GRIA1: variants seen among roughly 807,000 people sequenced by gnomAD.
GRIA1 encodes glutamate receptor 1.
In GRIA1, 31 loss-of-function variants were observed where a neutral mutation model predicts 99.2. The ratio of observed to expected loss-of-function variants is 0.31; its 90% CI spans 0.23 to 0.42. GRIA1 has a LOEUF of 0.42. Ranked by LOEUF, GRIA1 falls within the 10% of genes least tolerant of loss-of-function variation. The pLI, the probability that GRIA1 is intolerant of heterozygous loss-of-function variation, is 1.00. For missense variants in GRIA1, 782 were observed against 1,157.5 expected, an observed-to-expected ratio of 0.68 and a Z score of 4.71; for synonymous variants, 438 against 432.4, an observed-to-expected ratio of 1.01 and a Z score of -0.16.
At chr5:153,615,875 G>C (rs1413224744) in intron 2 of GRIA1, among the ~76,000 whole-genome samples, 1 of 152,146 alleles carries the variant, frequency 6.6e-6, no homozygotes, top group Non-Finnish European at 1.5e-5. Flanking sequence ...AGTGCAGCCA[G>C]GATTTGAACT....
chr5:153,522,288 C>G (rs1757219486), intron 2 of GRIA1, among the ~76,000 whole-genome samples: 1 of 152,200 alleles, frequency 6.6e-6, no homozygotes, highest in African/African-American at 2.4e-5. Context: ...TACCTGTAAC[C>G]TGTATCATGG....
intron 11 of GRIA1, among the ~76,000 whole-genome samples, chr5:153,742,648 C>G: frequency 6.6e-6 from 1 of 152,306 alleles, no homozygotes; most frequent in East Asian, 1.9e-4. Context: ...CAGCTAAGGG[C>G]TCTTTCCTGC....
intron 5 of GRIA1, among the ~76,000 whole-genome samples, chr5:153,667,410 T>A (rs1755825744): frequency 6.6e-6 from 1 of 152,206 alleles, no homozygotes; most frequent in Non-Finnish European, 1.5e-5. Flanking sequence ...CTTCGATAGC[T>A]ATGTTCCTAT....
upstream of GRIA1, chr5:153,489,975 A>G (rs1581117235): frequency 5.2e-6 from 2 of 387,196 alleles, no homozygotes; most frequent in East Asian, 1.5e-4. Context: ...TTGTAAAGGT[A>G]GACAGGGACT....
chr5:153,504,102 T>C (rs1755260379), intron 2 of GRIA1, among the ~76,000 whole-genome samples: 2 of 152,084 alleles, frequency 1.3e-5, no homozygotes, highest in South Asian at 4.1e-4. Flanking sequence ...CATTTCTGAA[T>C]ATGACACAGT....
chr5:153,636,838 T>C (rs1356902260), intron 2 of GRIA1, among the ~76,000 whole-genome samples: 3 of 152,262 alleles, frequency 2.0e-5, no homozygotes, highest in Non-Finnish European at 4.4e-5. Flanking sequence ...CAGTGTTGGC[T>C]GTTATTATTA....
chr5:153,745,678 AG>A (rs1206682003), intron 11 of GRIA1, among the ~76,000 whole-genome samples: 7 of 151,872 alleles, frequency 4.6e-5, no homozygotes, highest in African/African-American at 1.7e-4. Context: ...TAAAAAGGTA[AG>A]GAAAAAAAAA....
At chr5:153,660,851 T>C (rs949008646) in intron 5 of GRIA1, among the ~76,000 whole-genome samples, 1 of 152,190 alleles carries the variant, frequency 6.6e-6, no homozygotes. Context: ...TACAACTACA[T>C]TGATGGAATT....
intron 7 of GRIA1, among the ~76,000 whole-genome samples, chr5:153,683,585 G>A (rs1259027165): frequency 6.6e-6 from 1 of 152,162 alleles, no homozygotes; most frequent in African/African-American, 2.4e-5. Context: ...GTGCAGGTAG[G>A]ACCCTTGACC....
intron 11 of GRIA1, among the ~76,000 whole-genome samples, chr5:153,736,131 T>G (rs1761363464): frequency 6.6e-6 from 1 of 152,028 alleles, no homozygotes; most frequent in Admixed American, 6.5e-5. Flanking sequence ...TTAGAAGTCA[T>G]AAAGAGCCAT....
At chr5:153,627,710 C>T (rs1220751433) in intron 2 of GRIA1, among the ~76,000 whole-genome samples, 1 of 152,126 alleles carries the variant, frequency 6.6e-6, no homozygotes, top group East Asian at 1.9e-4. Context: ...CCCCACCTCC[C>T]CAGTTCTCTG....
At chr5:153,743,295 G>A (rs946132902) in intron 11 of GRIA1, among the ~76,000 whole-genome samples, 26 of 152,112 alleles carry the variant, frequency 1.7e-4, no homozygotes, top group African/African-American at 6.3e-4. Flanking sequence ...CACAAACTTA[G>A]TAGCTTCGAC....
chr5:153,655,121 G>A (rs552102623), intron 4 of GRIA1, among the ~76,000 whole-genome samples: 7 of 152,226 alleles, frequency 4.6e-5, no homozygotes, highest in African/African-American at 1.4e-4. Flanking sequence ...ATCAGATCTG[G>A]GCAAAGCATT....
At chr5:153,563,710 A>G (rs77725044) in intron 2 of GRIA1, among the ~76,000 whole-genome samples, 14,670 of 152,184 alleles carry the variant, frequency 0.096, 764 homozygotes, top group South Asian at 0.19. Flanking sequence ...AAGAAGGAGC[A>G]TCGTATCAAA....
intron 2 of GRIA1, among the ~76,000 whole-genome samples, chr5:153,514,248 G>A (rs886390057): frequency 3.9e-5 from 6 of 152,180 alleles, no homozygotes; most frequent in Admixed American, 1.3e-4. Flanking sequence ...GGGGTTATAT[G>A]CAAGAAATCA....
At chr5:153,506,418 C>A (rs1581144644) in intron 2 of GRIA1, among the ~76,000 whole-genome samples, 1 of 151,558 alleles carries the variant, frequency 6.6e-6, no homozygotes, top group South Asian at 2.1e-4. Flanking sequence ...GCTTCTAGAT[C>A]CCTTTCCAAG....
intron 2 of GRIA1, among the ~76,000 whole-genome samples, chr5:153,506,774 T>G (rs1755548642): frequency 6.6e-6 from 1 of 152,128 alleles, no homozygotes; most frequent in Non-Finnish European, 1.5e-5. Context: ...GGAAAATTAT[T>G]TAACTTACAC....
chr5:153,562,626 A>G lies in GRIA1; in HGVS notation c.220+68561A>G, dbSNP rs1043637455. ...AGAAATATTGACTGTGCGATTACTG[A>G]AGGCAAAGACTGTTTGTGATGCTTG... On this transcript the variant is annotated intron_variant, in intron 2 of 15. Transcript: ENST00000285900. Among the ~76,000 whole-genome samples, 14 of 152,296 alleles carry G rather than the reference A, an allele frequency of 9.2e-5. No individual in the cohort carries two copies. In the East Asian group the frequency reaches 1.7e-3, roughly 19 times the overall value.
chr5:153,560,800 T>C (rs1761054341), intron 2 of GRIA1, among the ~76,000 whole-genome samples: 1 of 152,204 alleles, frequency 6.6e-6, no homozygotes, highest in African/African-American at 2.4e-5. Context: ...TTCTCCAATA[T>C]TCAGCTGGGA....
Sources: allele counts gnomAD v4.1 joint callset (sites outside exome capture counted in the v4.1 genomes callset), GRCh38; gene constraint gnomAD v4.1.1; transcripts MANE v1.5; gene names NCBI Gene and HGNC (gene_info 2026-07-23, HGNC 2026-07-21).